Variants in PWWP2A observed in about 807,000 individuals in gnomAD.
The protein encoded by PWWP2A is PWWP domain containing 2A.
In PWWP2A, 18 loss-of-function variants were observed where a neutral mutation model predicts 48.5. The ratio of observed to expected loss-of-function variants is 0.37; its 90% CI spans 0.26 to 0.55. The LOEUF is 0.55. Among genes scored for constraint, PWWP2A ranks in the 20% least tolerant of loss-of-function variants. The probability of loss-of-function intolerance (pLI) is 0.81; values close to 1 mark genes in which losing one functional copy is unlikely to be tolerated. For synonymous variants in PWWP2A, 396 were observed against 387.7 expected (o/e 1.02, Z -0.25); for missense variants, 867 against 976.4 (o/e 0.89, Z 1.49).
At chr5:160,111,151 A>C (rs1181535614) in intron 1 of PWWP2A, among the ~76,000 whole-genome samples, 1 of 151,952 alleles carries the variant, frequency 6.6e-6, no homozygotes, top group Non-Finnish European at 1.5e-5. Flanking sequence ...ACATAGCGAG[A>C]CCCAGTTTCT....
intron 1 of PWWP2A, among the ~76,000 whole-genome samples, chr5:160,104,939 A>T (rs1756712194): frequency 6.6e-6 from 1 of 152,134 alleles, no homozygotes; most frequent in South Asian, 2.1e-4. Context: ...CTTTTCAATA[A>T]TGTTTAGAAA....
At chr5:160,086,957 A>G (rs1754689778), downstream of PWWP2A, among the ~76,000 whole-genome samples, 1 of 152,220 alleles carries the variant, frequency 6.6e-6, no homozygotes, top group Non-Finnish European at 1.5e-5. Flanking sequence ...TTAATGGAAA[A>G]CAAATATGCC....
At chr5:160,115,440 C>T (rs1036526002) in intron 1 of PWWP2A, among the ~76,000 whole-genome samples, 7 of 151,994 alleles carry the variant, frequency 4.6e-5, no homozygotes, top group Non-Finnish European at 1.0e-4. Context: ...GCCCATAATC[C>T]CAGCACTTTG....
chr5:160,098,602 G>A (rs942133485), intron 1 of PWWP2A, among the ~76,000 whole-genome samples: 2 of 152,148 alleles, frequency 1.3e-5, no homozygotes, highest in Admixed American at 1.3e-4. Context: ...ATCTGTAACT[G>A]CAATGAATCT....
intron 1 of PWWP2A, among the ~76,000 whole-genome samples, chr5:160,117,580 C>G (rs1758266268): frequency 6.6e-6 from 1 of 152,060 alleles, no homozygotes. Flanking sequence ...TCGCTTGAAC[C>G]CAGGAGGCGG....
rs868137536 is a variant in PWWP2A at position 160,093,641 on chromosome 5, T to G, written c.1009A>C (p.Arg337=). The G allele has an allele frequency of 1.1e-5, 17 of 1,614,068 alleles. No homozygotes were observed. In the Middle Eastern group the frequency reaches 1.8e-3, roughly 172 times the overall value. ...NSVVAEKKEI[R]KGSSATDSSK... is the part of the protein sequence containing the mutation. ...GAGTCAGTTGCACTACTACCTTTTC[T>G]AATTTCCTTTTTTTCAGCAACAACA... Residue 337 remains arginine, a synonymous_variant, in exon 2 of 2, where the codon AGA becomes CGA. Transcript: ENST00000307063. This position sits in a 1 kb window ranked among gnomAD's most constrained non-coding sequence, Gnocchi z 5.8.
At chr5:160,087,070 T>C (rs960025843), downstream of PWWP2A, among the ~76,000 whole-genome samples, 11 of 140,482 alleles carry the variant, frequency 7.8e-5, no homozygotes, top group Non-Finnish European at 1.8e-4. Context: ...ATTTGGCAGT[T>C]ACAGTTCTTA....
chr5:160,054,864 G>C, the PWWP2A span, among the ~76,000 whole-genome samples: 1 of 152,010 alleles, frequency 6.6e-6, no homozygotes, highest in African/African-American at 2.4e-5. Flanking sequence ...TAGGTAAATA[G>C]GAAAAAAAAC....
chr5:160,109,395 CT>C (rs1386235720), intron 1 of PWWP2A, among the ~76,000 whole-genome samples: 1 of 151,448 alleles, frequency 6.6e-6, no homozygotes, highest in Non-Finnish European at 1.5e-5. Context: ...GGATTTTTCA[CT>C]TTTTTCCCCC....
exon 4 of PWWP2A, chr5:160,076,212 C>A (rs956591958): frequency 5.3e-5 from 8 of 152,090 alleles, no homozygotes; most frequent in African/African-American, 1.9e-4. Flanking sequence ...ATACTTAAAA[C>A]CTGATCTCTC....
chr5:160,115,610 T>C (rs1361291169), intron 1 of PWWP2A, among the ~76,000 whole-genome samples: 1 of 151,580 alleles, frequency 6.6e-6, no homozygotes, highest in African/African-American at 2.4e-5. Context: ...GGAGATTCAC[T>C]TGAACCCAGG....
At chr5:160,062,870 G>A (rs771359159) in intron 5 of PWWP2A, among the ~76,000 whole-genome samples, 2 of 152,032 alleles carry the variant, frequency 1.3e-5, no homozygotes, top group African/African-American at 2.4e-5. Flanking sequence ...AGCGTTCCTG[G>A]TTGGTGTTGC....
At chr5:160,074,064 C>CAAAAAAAAA (rs57010218), downstream of PWWP2A, among the ~76,000 whole-genome samples, 11 of 71,592 alleles carry the variant, frequency 1.5e-4, no homozygotes, top group African/African-American at 5.7e-4. Context: ...GACTCCGTTT[C>CAAAAAAAAA]AAAAAAAAAA....
intron 1 of PWWP2A, among the ~76,000 whole-genome samples, chr5:160,098,545 G>A (rs1755923810): frequency 6.6e-6 from 1 of 152,074 alleles, no homozygotes; most frequent in African/African-American, 2.4e-5. Flanking sequence ...AATTTCAGGG[G>A]TCACACTATG....
At chr5:160,113,395 C>T in intron 1 of PWWP2A, 1 of 901,064 alleles carries the variant, frequency 1.1e-6, no homozygotes. Flanking sequence ...GACTCTTAGT[C>T]ATCCACACAT....
At chr5:160,096,550 T>G (rs747856379) in intron 1 of PWWP2A, among the ~76,000 whole-genome samples, 27 of 152,356 alleles carry the variant, frequency 1.8e-4, no homozygotes, top group Middle Eastern at 3.4e-3. Flanking sequence ...TTCTAACTTG[T>G]AAGAAGGCAT....
intron 4 of PWWP2A, among the ~76,000 whole-genome samples, chr5:160,066,387 C>T (rs971527279): frequency 1.1e-4 from 16 of 142,704 alleles, no homozygotes; most frequent in African/African-American, 3.9e-4. Context: ...ACCTCTGCCT[C>T]CCAGGCTCAA....
chr5:160,073,653 T>C (rs1162606334), downstream of PWWP2A, among the ~76,000 whole-genome samples: 1 of 152,226 alleles, frequency 6.6e-6, no homozygotes, highest in Non-Finnish European at 1.5e-5. Context: ...AGACAATGTC[T>C]TCCCACTGTT....
chr5:160,097,873 G>A lies in PWWP2A; in HGVS notation c.585-3808C>T, dbSNP rs141564032. Reference sequence around the variant, plus strand: ...TAGGATTACAGACGCGAGCCATCACGCCTGGCTAATTTTTGTATTTTTAGT... The same window carrying A: ...TAGGATTACAGACGCGAGCCATCACACCTGGCTAATTTTTGTATTTTTAGT... On this transcript the variant is annotated intron_variant, in intron 1 of 1. Transcript: ENST00000307063. Among the ~76,000 whole-genome samples the A allele has an allele frequency of 2.7e-3, 402 of 151,646 alleles. 1 individual carries two copies. Among genetic ancestry groups the A allele is most frequent in the African/African-American group, 9.0e-3 (371 of 41,388 alleles).
Sources: allele counts gnomAD v4.1 joint callset (sites outside exome capture counted in the v4.1 genomes callset), GRCh38; gene constraint gnomAD v4.1.1; non-coding constraint Gnocchi (gnomAD v3.1); transcripts MANE v1.5; gene names NCBI Gene and HGNC (gene_info 2026-07-23, HGNC 2026-07-21).